Variants in TCERG1 observed in about 807,000 individuals in gnomAD.
TCERG1 encodes the protein transcription elongation regulator 1.
Under a neutral mutation model 144.7 loss-of-function variants are expected in TCERG1, and 37 were observed. That is an observed-to-expected ratio of 0.26 (90% CI 0.20 to 0.34). The LOEUF (loss-of-function observed/expected upper bound fraction) is 0.34, where lower values mean the gene tolerates loss of function less well. Among genes scored for constraint, TCERG1 ranks in the 10% least tolerant of loss-of-function variants. The pLI is 1.00. For missense variants in TCERG1, 1,027 were observed against 1,380.7 expected (o/e 0.74, Z 4.06); for synonymous variants, 492 against 458.2 (o/e 1.07, Z -0.94).
In TCERG1 at chr5:146,507,069, C is replaced by G; in HGVS notation, c.2823C>G (p.Thr941=). The change falls in exon 20 of 23, where the codon ACC becomes ACG. Residue 941 remains threonine, a synonymous_variant. Transcript: ENST00000679501. This position sits in a 1 kb window ranked among gnomAD's most constrained non-coding sequence, Gnocchi z 4.6. ...TGTCATGGTCTGATACTCGTAGGAC[C>G]CTCCGAAAAGATCACCGCTGGGAAT... is the stretch of plus-strand genomic sequence containing the variant. The part of the protein sequence containing the change: ...SDVSWSDTRR[T]LRKDHRWESG... 6.2e-7 allele frequency: 1 copy of G among 1,611,160 alleles called. No individual in the cohort carries two copies. The highest frequency in any genetic ancestry group is 2.2e-5 in the East Asian group (1 of 44,784).
intron 9 of TCERG1, among the ~76,000 whole-genome samples, chr5:146,477,913 G>A (rs1355961248): frequency 1.3e-5 from 2 of 151,910 alleles, no homozygotes; most frequent in African/African-American, 4.8e-5. Flanking sequence ...ATGTTGCCCA[G>A]GCTGGTCTCA....
chr5:146,491,139 T>C (rs1200625348), intron 15 of TCERG1, among the ~76,000 whole-genome samples: 3 of 151,978 alleles, frequency 2.0e-5, no homozygotes, highest in Admixed American at 2.0e-4. Flanking sequence ...ACTAAAATGC[T>C]GTTTGGGTAC....
At chr5:146,477,954 T>C (rs1330585458) in intron 9 of TCERG1, among the ~76,000 whole-genome samples, 1 of 152,100 alleles carries the variant, frequency 6.6e-6, no homozygotes, top group Non-Finnish European at 1.5e-5. Context: ...CCTCCTGCTT[T>C]GGCCTCCCAA....
At chr5:146,457,571 G>T (rs1762932385) in intron 3 of TCERG1, among the ~76,000 whole-genome samples, 1 of 152,190 alleles carries the variant, frequency 6.6e-6, no homozygotes, top group Non-Finnish European at 1.5e-5. Context: ...GGTCACATTG[G>T]TACCATCTGC....
At chr5:146,485,883 CAG>C (rs1765780913) in intron 15 of TCERG1, among the ~76,000 whole-genome samples, 1 of 151,944 alleles carries the variant, frequency 6.6e-6, no homozygotes, top group Non-Finnish European at 1.5e-5. Context: ...TTAGTAGAGA[CAG>C]AGTTTCACCA....
intron 9 of TCERG1, among the ~76,000 whole-genome samples, chr5:146,476,752 C>G (rs1764878942): frequency 6.6e-6 from 1 of 152,120 alleles, no homozygotes; most frequent in African/African-American, 2.4e-5. Context: ...CCCACCTCCT[C>G]TGTTCTTCAG....
At chr5:146,480,130 T>C in intron 12 of TCERG1, 36 bp downstream of exon 12, 1 of 1,496,494 alleles carries the variant, frequency 6.7e-7, no homozygotes, top group Non-Finnish European at 9.1e-7. Flanking sequence ...AGGTAGATTA[T>C]ATCTTTTAAA....
At chr5:146,493,909 CTTA>C (rs1205561527) in intron 16 of TCERG1, among the ~76,000 whole-genome samples, 3 of 151,970 alleles carry the variant, frequency 2.0e-5, no homozygotes, top group Non-Finnish European at 4.4e-5. Context: ...TTAAATGGCA[CTTA>C]TTATAAACGT....
At chr5:146,492,224 G>A (rs1302134856) in intron 15 of TCERG1, among the ~76,000 whole-genome samples, 1 of 152,074 alleles carries the variant, frequency 6.6e-6, no homozygotes, top group East Asian at 1.9e-4. Context: ...TGTTTGAGGA[G>A]ATTCTGGTTT....
chr5:146,456,395 T>G (rs898201373), intron 2 of TCERG1, among the ~76,000 whole-genome samples: 4 of 152,248 alleles, frequency 2.6e-5, no homozygotes, highest in African/African-American at 9.6e-5. Flanking sequence ...CATTGAAATA[T>G]ATCAAATGTT....
In TCERG1 at chr5:146,466,035, A is replaced by AAG. The variant is rs1278791107; in HGVS notation, c.1135+2243_1135+2244insGA. On this transcript the variant is annotated intron_variant, in intron 5 of 22. Transcript: ENST00000679501. ...AACTCTGTCTCAAAAAAAAAAAAAAAAAAGATATATTAGCATCAAATATTA... is the reference window on the plus strand; with the variant it reads ...AACTCTGTCTCAAAAAAAAAAAAAAAAGAAAGATATATTAGCATCAAATATTA... 3.3e-5 allele frequency among the ~76,000 whole-genome samples: 5 copies of AAG among 152,144 alleles called. No homozygotes were observed. In the South Asian group the frequency reaches 1.0e-3, roughly 32 times the overall value.
intron 5 of TCERG1, among the ~76,000 whole-genome samples, chr5:146,466,045 T>A (rs968130479): frequency 9.2e-5 from 14 of 151,390 alleles, no homozygotes; most frequent in African/African-American, 3.2e-4. Flanking sequence ...AAAAGATATA[T>A]TAGCATCAAA....
chr5:146,463,107 G>C (rs1459907847), intron 4 of TCERG1, among the ~76,000 whole-genome samples: 1 of 152,066 alleles, frequency 6.6e-6, no homozygotes, highest in South Asian at 2.1e-4. Flanking sequence ...AGTTTTGTTG[G>C]TATGCCTACT....
intron 6 of TCERG1, among the ~76,000 whole-genome samples, chr5:146,468,778 G>T (rs555855991): frequency 6.6e-6 from 1 of 152,148 alleles, no homozygotes; most frequent in East Asian, 1.9e-4. Context: ...ATGCTAGTGA[G>T]TATATGTGTG....
At chr5:146,489,508 T>TA (rs1406623967) in intron 15 of TCERG1, among the ~76,000 whole-genome samples, 1 of 152,176 alleles carries the variant, frequency 6.6e-6, no homozygotes, top group East Asian at 1.9e-4. Flanking sequence ...GGGCCACTGT[T>TA]ACTGAATAAT....
At chr5:146,493,271 A>G (rs1231624780) in intron 16 of TCERG1, among the ~76,000 whole-genome samples, 1 of 152,044 alleles carries the variant, frequency 6.6e-6, no homozygotes, top group Non-Finnish European at 1.5e-5. Context: ...TATGGGAATA[A>G]GTTCTTTAGA....
At chr5:146,475,663 G>C (rs1380084111) in intron 9 of TCERG1, among the ~76,000 whole-genome samples, 1 of 152,156 alleles carries the variant, frequency 6.6e-6, no homozygotes, top group Non-Finnish European at 1.5e-5. Flanking sequence ...CAATGACCTT[G>C]AGCAGTAGGA....
chr5:146,455,650 A>G (rs1762760731), intron 2 of TCERG1, among the ~76,000 whole-genome samples: 1 of 152,206 alleles, frequency 6.6e-6, no homozygotes, highest in Non-Finnish European at 1.5e-5. Flanking sequence ...GTTGCCAGCA[A>G]GTCTAAAAAT....
intron 19 of TCERG1, chr5:146,504,268 C>A: frequency 3.4e-6 from 1 of 292,560 alleles, no homozygotes; most frequent in Non-Finnish European, 6.2e-6. Context: ...ATTTATTGTT[C>A]TTGATGAAAG....
Sources: allele counts gnomAD v4.1 joint callset (sites outside exome capture counted in the v4.1 genomes callset), GRCh38; gene constraint gnomAD v4.1.1; non-coding constraint Gnocchi (gnomAD v3.1); transcripts MANE v1.5; gene names NCBI Gene and HGNC (gene_info 2026-07-23, HGNC 2026-07-21).